Variants in MAGI2 observed in about 807,000 individuals in gnomAD.
MAGI2 encodes the protein membrane associated guanylate kinase, WW and PDZ domain containing 2, also known as membrane-associated guanylate kinase, WW and PDZ domain-containing protein 2.
Under a neutral mutation model 133.3 loss-of-function variants are expected in MAGI2, and 35 were observed. The observed-to-expected ratio is 0.26, with a 90% CI of 0.20 to 0.35. MAGI2 has a LOEUF of 0.35. Among genes scored for constraint, MAGI2 ranks in the 10% least tolerant of loss-of-function variants. MAGI2 has a pLI of 1.00. For synonymous variants in MAGI2, 729 were observed against 710.6 expected (o/e 1.03, Z -0.41); for missense variants, 1,636 against 1,863.4 (o/e 0.88, Z 2.25).
intron 2 of MAGI2, among the ~76,000 whole-genome samples, chr7:78,885,326 T>TA (rs1472019623): frequency 1.3e-5 from 2 of 152,098 alleles, no homozygotes; most frequent in African/African-American, 4.8e-5. Context: ...AAATTACTAA[T>TA]AAAAAATCAA....
chr7:79,271,702 G>A (rs189729343), intron 1 of MAGI2, among the ~76,000 whole-genome samples: 1 of 143,330 alleles, frequency 7.0e-6, no homozygotes, highest in African/African-American at 2.6e-5. Context: ...TTGGATAATA[G>A]AGGTAAAAGA....
At chr7:78,442,556 T>C (rs150515891) in intron 6 of MAGI2, among the ~76,000 whole-genome samples, 7 of 152,284 alleles carry the variant, frequency 4.6e-5, no homozygotes, top group Non-Finnish European at 1.0e-4. Flanking sequence ...GGGAAACAGA[T>C]TGTGCTTTGC....
chr7:79,271,697 T>C (rs1052561663), intron 1 of MAGI2, among the ~76,000 whole-genome samples: 1 of 145,454 alleles, frequency 6.9e-6, no homozygotes, highest in Non-Finnish European at 1.5e-5. Flanking sequence ...GACTGTTGGA[T>C]AATAGAGGTA....
chr7:78,439,832 T>C lies in MAGI2; in HGVS notation c.1045+49929A>G, dbSNP rs1017982624. 8.5e-5 allele frequency among the ~76,000 whole-genome samples: 13 copies of C among 152,216 alleles called. No homozygotes were observed. The East Asian group carries it at 1.7e-3, about 20-fold the overall frequency. Reference sequence around the variant, plus strand: ...GCACCTTCTTGAGGTTTTCTTTCATTGGTTTTGACAATAGTATTCTCCAGT... The same window carrying C: ...GCACCTTCTTGAGGTTTTCTTTCATCGGTTTTGACAATAGTATTCTCCAGT... On this transcript the variant is annotated intron_variant, in intron 6 of 21. Transcript: ENST00000354212.
chr7:78,530,117 T>C (rs1263164870), intron 3 of MAGI2, among the ~76,000 whole-genome samples: 2 of 152,164 alleles, frequency 1.3e-5, no homozygotes, highest in Middle Eastern at 3.2e-3. Context: ...TAAATTACTA[T>C]ATTATCACCT....
Position 78,044,707 on chromosome 7 carries a change from A to ATGTGTGTGTG in MAGI2, c.3707-24732_3707-24731insCACACACACA, listed in dbSNP as rs56731310. Among the ~76,000 whole-genome samples, 48 of 131,210 alleles carry ATGTGTGTGTG rather than the reference A, an allele frequency of 3.7e-4. 1 individual carries two copies. Among genetic ancestry groups the ATGTGTGTGTG allele is most frequent in the South Asian group, 1.3e-3 (5 of 3,954 alleles). The allele number at this position is 131,210 out of a possible 152,430, so 86.1% of individuals were successfully genotyped here. On this transcript the variant is annotated intron_variant, in intron 21 of 21. Coordinates refer to ENST00000354212, the MANE Select transcript of MAGI2 (RefSeq NM_012301.4). ...TGTGTGTGTGTGTGTGTGTGTGTGC[A>ATGTGTGTGTG]CGTGTGCACACGCAGTTGGCTCCCA...
intron 9 of MAGI2, among the ~76,000 whole-genome samples, chr7:78,296,003 A>G (rs185139516): frequency 2.6e-5 from 4 of 152,202 alleles, no homozygotes; most frequent in African/African-American, 4.8e-5. Context: ...TATTTACTCT[A>G]TGTCTCACCT....
intron 1 of MAGI2, among the ~76,000 whole-genome samples, chr7:79,244,191 G>GTTT (rs1832647054): frequency 6.6e-6 from 1 of 152,180 alleles, no homozygotes; most frequent in African/African-American, 2.4e-5. Context: ...CTGAGACAGA[G>GTTT]TAAGATGGCT....
chr7:79,236,768 T>G (rs1375034968), intron 1 of MAGI2, among the ~76,000 whole-genome samples: 1 of 152,252 alleles, frequency 6.6e-6, no homozygotes, highest in Non-Finnish European at 1.5e-5. Flanking sequence ...ACTTAAAACT[T>G]ATTGCTAACA....
intron 2 of MAGI2, among the ~76,000 whole-genome samples, chr7:78,999,316 G>A (rs1240765056): frequency 2.0e-5 from 3 of 149,940 alleles, no homozygotes; most frequent in Non-Finnish European, 4.4e-5. Flanking sequence ...TTTTTTTTTC[G>A]GTGCCAAATA....
intron 3 of MAGI2, among the ~76,000 whole-genome samples, chr7:78,550,057 T>C (rs1187332162): frequency 6.6e-6 from 1 of 152,142 alleles, no homozygotes; most frequent in Non-Finnish European, 1.5e-5. Context: ...GTCTCTTCCA[T>C]CATGTGTGGA....
intron 2 of MAGI2, among the ~76,000 whole-genome samples, chr7:78,908,664 T>C (rs1385717597): frequency 6.6e-6 from 1 of 152,200 alleles, no homozygotes; most frequent in African/African-American, 2.4e-5. Context: ...CTGAGAGCAC[T>C]AAGAACAGCC....
intron 2 of MAGI2, among the ~76,000 whole-genome samples, chr7:78,974,206 A>C (rs1014689591): frequency 7.9e-5 from 12 of 151,790 alleles, no homozygotes; most frequent in Non-Finnish European, 8.8e-5. Context: ...GAAAAAAAAA[A>C]CAAAAACCCT....
At chr7:78,463,377 T>C (rs373779019) in intron 6 of MAGI2, among the ~76,000 whole-genome samples, 1 of 152,160 alleles carries the variant, frequency 6.6e-6, no homozygotes, top group South Asian at 2.1e-4. Flanking sequence ...TAAAGAAGTT[T>C]TGGAAGTTCC....
chr7:78,898,378 C>G (rs1797367378), intron 2 of MAGI2, among the ~76,000 whole-genome samples: 1 of 152,116 alleles, frequency 6.6e-6, no homozygotes, highest in Non-Finnish European at 1.5e-5. Flanking sequence ...TCACCACTCA[C>G]ATTAGTAAAG....
At chr7:79,041,171 TTAGAGA>T (rs1243840923) in intron 1 of MAGI2, among the ~76,000 whole-genome samples, 1 of 152,196 alleles carries the variant, frequency 6.6e-6, no homozygotes. Context: ...CCACTATTCC[TTAGAGA>T]TAAACAATCT....
intron 2 of MAGI2, among the ~76,000 whole-genome samples, chr7:78,752,982 C>T (rs73365872): frequency 0.013 from 1,964 of 152,316 alleles, 41 homozygotes; most frequent in African/African-American, 0.046. Flanking sequence ...TGCTTTTAAA[C>T]ATGTCACTCA....
At chr7:78,480,101 C>A (rs946719366) in intron 6 of MAGI2, among the ~76,000 whole-genome samples, 7 of 151,524 alleles carry the variant, frequency 4.6e-5, no homozygotes, top group Admixed American at 1.3e-4. Flanking sequence ...AGCAATGAAC[C>A]AATTCCTATA....
At chr7:78,402,262 CGT>C (rs1278302101) in intron 6 of MAGI2, among the ~76,000 whole-genome samples, 2 of 143,114 alleles carry the variant, frequency 1.4e-5, no homozygotes, top group Non-Finnish European at 3.0e-5. Flanking sequence ...GGGGTGTGTG[CGT>C]GTGTGTCCAC....
Sources: allele counts gnomAD v4.1 joint callset (sites outside exome capture counted in the v4.1 genomes callset), GRCh38; gene constraint gnomAD v4.1.1; transcripts MANE v1.5; gene names NCBI Gene and HGNC (gene_info 2026-07-23, HGNC 2026-07-21).